Variants in INPP4B observed in about 807,000 individuals in gnomAD.
INPP4B encodes inositol polyphosphate-4-phosphatase type II B.
A neutral mutation model predicts 122.5 loss-of-function variants in INPP4B; 55 were observed. That is an observed-to-expected ratio of 0.45 (90% confidence interval 0.36 to 0.56). INPP4B has a LOEUF of 0.56. INPP4B is among the 20% of genes least tolerant of loss of function. The pLI is 0.00. For missense variants in INPP4B, 1,000 were observed against 1,097.7 expected (o/e 0.91, Z 1.26); for synonymous variants, 403 against 388.7 (o/e 1.04, Z -0.43).
chr4:142,033,451 G>A (rs1357081909), intron 25 of INPP4B, among the ~76,000 whole-genome samples: 1 of 152,078 alleles, frequency 6.6e-6, no homozygotes, highest in Non-Finnish European at 1.5e-5. Flanking sequence ...GGGGAAAAAA[G>A]CAGCAAGCCA....
chr4:142,194,698 G>A (rs1383191264), intron 14 of INPP4B, among the ~76,000 whole-genome samples: 1 of 152,172 alleles, frequency 6.6e-6, no homozygotes, highest in Non-Finnish European at 1.5e-5. Flanking sequence ...GTGACAGAGA[G>A]TCAGTGTTCC....
chr4:142,141,807 G>C (rs777801821), intron 18 of INPP4B, among the ~76,000 whole-genome samples: 1 of 152,162 alleles, frequency 6.6e-6, no homozygotes, highest in Non-Finnish European at 1.5e-5. Flanking sequence ...CATCTGTTTA[G>C]CCATGTTAAG....
chr4:142,024,786 T>G lies in INPP4B; in HGVS notation c.*3996A>C, dbSNP rs1720629865. The stretch of plus-strand genomic sequence containing the variant: ...CAAAATAGATGGTGAAGTACATTTT[T>G]AGTGATATCTGATTGGGCTAACAGT... On this transcript the variant is annotated 3_prime_UTR_variant, in exon 26 of 26. Coordinates refer to ENST00000262992, the MANE Select transcript of INPP4B (RefSeq NM_001101669.3). 1.3e-5 allele frequency: 2 copies of G among 152,192 alleles called. No homozygotes were observed. The highest frequency in any genetic ancestry group is 6.6e-5 in the Admixed American group (1 of 15,264). 9.4% of individuals were successfully genotyped at this position (152,192 alleles called of 1,614,324 possible). A position where few individuals can be genotyped will look rare whatever the true frequency, so the allele number is the denominator to read the frequency against.
intron 2 of INPP4B, among the ~76,000 whole-genome samples, chr4:142,706,016 C>T (rs905521063): frequency 6.6e-6 from 1 of 152,238 alleles, no homozygotes; most frequent in African/African-American, 2.4e-5. Context: ...CCAGCTCCTT[C>T]ATGGCCTGGC....
At chr4:142,535,874 C>G (rs1356916991) in intron 2 of INPP4B, among the ~76,000 whole-genome samples, 1 of 152,166 alleles carries the variant, frequency 6.6e-6, no homozygotes, top group African/African-American at 2.4e-5. Context: ...AATTTCCAGG[C>G]TGATATCTTC....
chr4:142,382,501 C>T (rs538456654), intron 7 of INPP4B, among the ~76,000 whole-genome samples: 31 of 146,218 alleles, frequency 2.1e-4, no homozygotes, highest in South Asian at 8.6e-4. Context: ...AGTGAGACTC[C>T]GTTTCAAAAA....
intron 25 of INPP4B, among the ~76,000 whole-genome samples, chr4:142,045,691 G>A (rs185346353): frequency 1.3e-3 from 200 of 152,160 alleles, no homozygotes; most frequent in African/African-American, 4.6e-3. Flanking sequence ...CCCAAAATGT[G>A]TGTAATTAAA....
intron 25 of INPP4B, among the ~76,000 whole-genome samples, chr4:142,079,930 T>C (rs1021694482): frequency 6.6e-6 from 1 of 152,138 alleles, no homozygotes; most frequent in African/African-American, 2.4e-5. Context: ...ATACTGCACA[T>C]GGAAAATCAG....
chr4:142,631,185 C>A (rs1180227100), intron 2 of INPP4B, among the ~76,000 whole-genome samples: 1 of 152,082 alleles, frequency 6.6e-6, no homozygotes, highest in Non-Finnish European at 1.5e-5. Context: ...AGTGACTAAG[C>A]TTATTATGTT....
intron 7 of INPP4B, chr4:142,347,562 T>C (rs1392238233): frequency 4.9e-6 from 2 of 411,518 alleles, no homozygotes; most frequent in Non-Finnish European, 9.7e-6. Context: ...CTGAACTGAA[T>C]TAGAAAAGAT....
chr4:142,303,466 C>A (rs1473997020), intron 9 of INPP4B, among the ~76,000 whole-genome samples: 2 of 151,968 alleles, frequency 1.3e-5, no homozygotes, highest in Non-Finnish European at 2.9e-5. Context: ...AAATACAACA[C>A]AAAACAAAAA....
Position 142,136,786 on chromosome 4 carries a change from T to C in INPP4B, c.1720+9054A>G, listed in dbSNP as rs554732997. 3.3e-5 allele frequency among the ~76,000 whole-genome samples: 5 copies of C among 152,238 alleles called. No individual in the cohort carries two copies. In the East Asian group the frequency reaches 9.7e-4, roughly 29 times the overall value. On this transcript the variant is annotated intron_variant, in intron 18 of 25. Transcript: ENST00000262992. ...GAAAGCTTGGCAAACAAGTGAAGTATAAGTTATGACTATCTGAGAAACAGT... is the reference window on the plus strand; with the variant it reads ...GAAAGCTTGGCAAACAAGTGAAGTACAAGTTATGACTATCTGAGAAACAGT...
chr4:142,208,773 T>C, intron 13 of INPP4B, 123 bp downstream of exon 13: 2 of 721,352 alleles, frequency 2.8e-6, no homozygotes, highest in Non-Finnish European at 2.0e-6. Context: ...AAGTTAGAAA[T>C]AAAAGAGTTT....
chr4:142,652,159 A>G (rs1484084489), intron 2 of INPP4B, among the ~76,000 whole-genome samples: 2 of 152,234 alleles, frequency 1.3e-5, no homozygotes, highest in Non-Finnish European at 2.9e-5. Flanking sequence ...GGCCTTCGAC[A>G]AAATTCGACA....
chr4:142,283,440 T>TA (rs1752123032), intron 9 of INPP4B, among the ~76,000 whole-genome samples: 1 of 152,156 alleles, frequency 6.6e-6, no homozygotes, highest in South Asian at 2.1e-4. Flanking sequence ...CATGCGTTGC[T>TA]AGATGACAGA....
intron 17 of INPP4B, among the ~76,000 whole-genome samples, chr4:142,151,607 GTCTA>G (rs1180223482): frequency 2.0e-5 from 3 of 152,056 alleles, no homozygotes; most frequent in Non-Finnish European, 4.4e-5. Flanking sequence ...ACAAAATCAG[GTCTA>G]TCTATGAGTG....
At chr4:142,653,920 C>T (rs546109490) in intron 2 of INPP4B, among the ~76,000 whole-genome samples, 1 of 152,244 alleles carries the variant, frequency 6.6e-6, no homozygotes, top group East Asian at 1.9e-4. Context: ...CACATGCACA[C>T]ATATGTTTAC....
intron 24 of INPP4B, among the ~76,000 whole-genome samples, chr4:142,084,586 A>G (rs886415791): frequency 2.6e-5 from 4 of 152,218 alleles, no homozygotes; most frequent in Admixed American, 6.5e-5. Flanking sequence ...AAATAGGCCC[A>G]TGATTTACAA....
intron 2 of INPP4B, among the ~76,000 whole-genome samples, chr4:142,637,642 T>G (rs1749464443): frequency 2.6e-5 from 4 of 152,196 alleles, no homozygotes; most frequent in Admixed American, 2.6e-4. Context: ...CAATTATAAA[T>G]AAAGCTGCTG....
Sources: allele counts gnomAD v4.1 joint callset (sites outside exome capture counted in the v4.1 genomes callset), GRCh38; gene constraint gnomAD v4.1.1; transcripts MANE v1.5; gene names NCBI Gene and HGNC (gene_info 2026-07-23, HGNC 2026-07-21).